INSYN2A: variants seen among roughly 807,000 people sequenced by gnomAD.
INSYN2A encodes the protein family with sequence similarity 196 member A.
Under a neutral mutation model 39.4 loss-of-function variants are expected in INSYN2A, and 17 were observed. The observed-to-expected ratio is 0.43, with a 90% CI of 0.30 to 0.65. The LOEUF (loss-of-function observed/expected upper bound fraction) is 0.65. Among genes scored for constraint, INSYN2A ranks in the 30% least tolerant of loss-of-function variants. The probability of loss-of-function intolerance (pLI) is 0.14; values close to 1 mark genes in which losing one functional copy is unlikely to be tolerated. For synonymous variants in INSYN2A, 255 were observed against 265.7 expected (o/e 0.96, Z 0.39); for missense variants, 595 against 631.2 (o/e 0.94, Z 0.61).
chr10:127,145,916 C>T, intron 5 of INSYN2A: 1 of 490,578 alleles, frequency 2.0e-6, no homozygotes, highest in South Asian at 1.5e-5. Context: ...CTGTGCATTC[C>T]TGCAGGAGGT....
intron 2 of INSYN2A, among the ~76,000 whole-genome samples, chr10:127,183,995 G>A (rs572623710): frequency 5.0e-4 from 76 of 152,012 alleles, no homozygotes; most frequent in Non-Finnish European, 9.0e-4. Context: ...TAATGTCTTC[G>A]AAGGTTTATC....
Position 127,137,614 on chromosome 10 carries a change from C to T in INSYN2A, c.*223G>A. 4.4e-6 allele frequency: 2 copies of T among 450,712 alleles called. No homozygotes were observed. The highest frequency in any genetic ancestry group is 3.9e-6 in the Non-Finnish European group (1 of 256,486). The allele number at this position is 450,712 out of a possible 1,614,324, so 27.9% of individuals were successfully genotyped here. A position where few individuals can be genotyped will look rare whatever the true frequency, so the allele number is the denominator to read the frequency against. ...AAGTTTCATTTCAGATTTTACATCC[C>T]ACATCAGTGAACTGCAAAGAACAGC... On this transcript the variant is annotated 3_prime_UTR_variant, in exon 6 of 6. Transcript: ENST00000522781.
intron 2 of INSYN2A, among the ~76,000 whole-genome samples, chr10:127,185,926 A>T (rs890958784): frequency 6.6e-6 from 1 of 152,234 alleles, no homozygotes; most frequent in Non-Finnish European, 1.5e-5. Context: ...GTGACTTGCT[A>T]GGAATTATCA....
chr10:127,147,430 G>C (rs909453027), intron 5 of INSYN2A, among the ~76,000 whole-genome samples: 1 of 152,148 alleles, frequency 6.6e-6, no homozygotes, highest in African/African-American at 2.4e-5. Flanking sequence ...TGCTTTGCCA[G>C]GTCGGGCACC....
chr10:127,185,212 CCTT>C (rs2056115960), intron 2 of INSYN2A, among the ~76,000 whole-genome samples: 1 of 152,110 alleles, frequency 6.6e-6, no homozygotes, highest in South Asian at 2.1e-4. Context: ...GCTCAGTCAT[CCTT>C]CTTTACTTAC....
intron 2 of INSYN2A, among the ~76,000 whole-genome samples, chr10:127,182,612 A>C (rs1465609020): frequency 1.3e-5 from 2 of 152,212 alleles, no homozygotes; most frequent in Non-Finnish European, 2.9e-5. Context: ...ACTGGAAAAT[A>C]TGCCTCCTTG....
intron 4 of INSYN2A, among the ~76,000 whole-genome samples, chr10:127,173,949 A>C (rs1206801663): frequency 6.6e-6 from 1 of 152,176 alleles, no homozygotes; most frequent in Non-Finnish European, 1.5e-5. Flanking sequence ...CTCCTGCACC[A>C]AGCTGGAGCA....
At chr10:127,143,429 G>A (rs1352918443) in intron 5 of INSYN2A, among the ~76,000 whole-genome samples, 3 of 152,184 alleles carry the variant, frequency 2.0e-5, no homozygotes, top group Non-Finnish European at 4.4e-5. Context: ...TACCACTGTG[G>A]ATAAATCACC....
At chr10:127,159,766 G>A (rs770190128) in intron 4 of INSYN2A, among the ~76,000 whole-genome samples, 44 of 152,304 alleles carry the variant, frequency 2.9e-4, no homozygotes, top group Non-Finnish European at 5.6e-4. Context: ...TGGCAGAGCT[G>A]GTGCTGCAGT....
chr10:127,146,552 T>C (rs1245683418), intron 5 of INSYN2A, among the ~76,000 whole-genome samples: 1 of 152,198 alleles, frequency 6.6e-6, no homozygotes, highest in Admixed American at 6.5e-5. Flanking sequence ...AAGTATTTCC[T>C]TACCCCAGAA....
At chr10:127,195,884 G>T (rs2057097067) in intron 1 of INSYN2A, 113 bp downstream of exon 1, 1 of 152,244 alleles carries the variant, frequency 6.6e-6, no homozygotes. Context: ...CCGGTTTGGG[G>T]CCGAGTGTGT....
Position 127,135,881 on chromosome 10 carries a change from A to T in INSYN2A, c.*1956T>A, listed in dbSNP as rs971804500. ...CTGAGATAGTTGGGATTCTTAAAACATAAGGAGAGAGAACTTGTTGGAAAC... is the reference window on the plus strand; with the variant it reads ...CTGAGATAGTTGGGATTCTTAAAACTTAAGGAGAGAGAACTTGTTGGAAAC... On this transcript the variant is annotated 3_prime_UTR_variant, in exon 6 of 6. Transcript: ENST00000522781. 1.3e-5 allele frequency: 2 copies of T among 152,672 alleles called. No homozygotes were observed. Among genetic ancestry groups the T allele is most frequent in the Non-Finnish European group, 2.9e-5 (2 of 68,042 alleles). 9.5% of individuals were successfully genotyped at this position (152,672 alleles called of 1,614,324 possible).
In INSYN2A at chr10:127,185,896, C is replaced by T. The variant is rs114455760; in HGVS notation, c.-269+6709G>A. Among the ~76,000 whole-genome samples, 730 of 152,162 alleles carry T rather than the reference C, an allele frequency of 4.8e-3. 6 individuals are homozygous for T. Among genetic ancestry groups the T allele is most frequent in the African/African-American group, 0.017 (696 of 41,502 alleles). On this transcript the variant is annotated intron_variant, in intron 2 of 5. Transcript: ENST00000522781. ...ATTTAACCATGCAGTATATTGGGGC[C>T]CCATACTGTTGTAGAAAATGTGACT...
chr10:127,191,822 A>C (rs1260637971), intron 2 of INSYN2A, among the ~76,000 whole-genome samples: 1 of 152,180 alleles, frequency 6.6e-6, no homozygotes, highest in Non-Finnish European at 1.5e-5. Flanking sequence ...GTGCCTGTCC[A>C]TGGAACCCCT....
rs528997009 is a variant in INSYN2A, at chr10:127,196,400, A to G, written c.-798T>C. Among the ~76,000 whole-genome samples, 533 of 148,592 alleles carry G rather than the reference A, an allele frequency of 3.6e-3. 8 individuals are homozygous for G. In the East Asian group the frequency reaches 0.054, roughly 15 times the overall value. ...TCCTCCGATGTCCTCATTTACTGCA[A>G]TTGTCTTCGGCGAGATCTCAGAGCC... is the stretch of plus-strand genomic sequence containing the variant. On this transcript the variant is annotated 5_prime_UTR_variant, in exon 1 of 6. Transcript: ENST00000522781.
At chr10:127,184,506 G>A (rs1252079825) in intron 2 of INSYN2A, among the ~76,000 whole-genome samples, 1 of 130,638 alleles carries the variant, frequency 7.7e-6, no homozygotes, top group Non-Finnish European at 1.6e-5. Context: ...CATCCTGCAG[G>A]TCCTGCTAGT....
At chr10:127,150,795 T>C (rs186162224) in intron 5 of INSYN2A, among the ~76,000 whole-genome samples, 110 of 152,348 alleles carry the variant, frequency 7.2e-4, no homozygotes, top group African/African-American at 2.5e-3. Flanking sequence ...AGGTCAAGTA[T>C]GGATTCAGAA....
At chr10:127,174,508 A>G (rs963128698) in intron 4 of INSYN2A, among the ~76,000 whole-genome samples, 7 of 152,212 alleles carry the variant, frequency 4.6e-5, no homozygotes, top group African/African-American at 1.7e-4. Flanking sequence ...ATGAAGTGCA[A>G]GATGGTCTTA....
At chr10:127,146,067 C>T (rs753106569) in intron 5 of INSYN2A, 12 of 516,604 alleles carry the variant, frequency 2.3e-5, no homozygotes, top group East Asian at 1.7e-4. Context: ...GCCAGGACTG[C>T]GTCCCGTATT....
Sources: allele counts gnomAD v4.1 joint callset (sites outside exome capture counted in the v4.1 genomes callset), GRCh38; gene constraint gnomAD v4.1.1; transcripts MANE v1.5; gene names NCBI Gene and HGNC (gene_info 2026-07-23, HGNC 2026-07-21).